NHSL1: variants seen among roughly 807,000 people sequenced by gnomAD.
NHSL1 encodes NHS-like protein 1.
In NHSL1, 48 loss-of-function variants were observed where a neutral mutation model predicts 95.0. The observed-to-expected ratio is 0.51, with a 90% CI of 0.40 to 0.64. The LOEUF (loss-of-function observed/expected upper bound fraction) is 0.64. Among genes scored for constraint, NHSL1 ranks in the 30% least tolerant of loss-of-function variants. NHSL1 has a pLI of 0.00. For synonymous variants in NHSL1, 783 were observed against 833.9 expected, an observed-to-expected ratio of 0.94 and a Z score of 1.05; for missense variants, 1,971 against 2,077.7, an observed-to-expected ratio of 0.95 and a Z score of 1.00.
intron 1 of NHSL1, among the ~76,000 whole-genome samples, chr6:138,674,017 T>C (rs1430663466): frequency 6.6e-6 from 1 of 152,242 alleles, no homozygotes; most frequent in Non-Finnish European, 1.5e-5. Context: ...TCTTGTATTT[T>C]ATCAGTAGAT....
chr6:138,677,671 T>C (rs1040578203), intron 1 of NHSL1, among the ~76,000 whole-genome samples: 1 of 152,200 alleles, frequency 6.6e-6, no homozygotes, highest in African/African-American at 2.4e-5. Flanking sequence ...AGAGCCCACA[T>C]GCTAAGGTGT....
intron 1 of NHSL1, among the ~76,000 whole-genome samples, chr6:138,515,909 G>C (rs2128304661): frequency 6.6e-6 from 1 of 152,316 alleles, no homozygotes; most frequent in Middle Eastern, 3.4e-3. Context: ...GGAATACTGA[G>C]TGTGTGTGTC....
At chr6:138,435,709 G>A (rs1054290031) in intron 5 of NHSL1, among the ~76,000 whole-genome samples, 1 of 148,380 alleles carries the variant, frequency 6.7e-6, no homozygotes, top group Non-Finnish European at 1.5e-5. Flanking sequence ...GCAGATAACT[G>A]GGGTTTTTTT....
chr6:138,635,950 T>TAAAAAAAAAAAAA (rs930630887), intron 1 of NHSL1, among the ~76,000 whole-genome samples: 1 of 94,386 alleles, frequency 1.1e-5, no homozygotes, highest in Non-Finnish European at 2.1e-5. Flanking sequence ...CCGTCTCTAC[T>TAAAAAAAAAAAAA]AAAAAAAAAA....
At position 138,447,211 on chromosome 6, in the gene NHSL1, G is replaced by A. The variant is rs1195746008; in HGVS notation, c.340-18C>T. 6.5e-7 allele frequency: 1 copy of A among 1,543,316 alleles called. No individual in the cohort carries two copies. Among genetic ancestry groups the A allele is most frequent in the African/African-American group, 1.4e-5 (1 of 72,708 alleles). On this transcript the variant is annotated intron_variant, in intron 3 of 7. Transcript: ENST00000343505. ...AGAGAACACTGCAGAGAAAAAAGAA[G>A]CAGCAGCCACAGTGTATAAAGAGCT...
At chr6:138,614,322 G>C (rs895951179) in intron 1 of NHSL1, among the ~76,000 whole-genome samples, 1 of 152,190 alleles carries the variant, frequency 6.6e-6, no homozygotes, top group Non-Finnish European at 1.5e-5. Flanking sequence ...GATGACAAAC[G>C]TACACTAAGG....
At position 138,432,245 on chromosome 6, in the gene NHSL1, C is replaced by G. The variant is rs755474095; in HGVS notation, c.2100G>C (p.Leu700=). 110 of 1,549,208 alleles carry G rather than the reference C, an allele frequency of 7.1e-5. 1 individual carries two copies. Among genetic ancestry groups the G allele is most frequent in the Middle Eastern group, 1.7e-4 (1 of 6,004 alleles). ...GCAGCGAGTGCTGGAGTGTGGCGAT[C>G]AGGCTCTCGTTGAGCACCTGCCCGT... The part of the protein sequence containing the change: ...QCNGQVLNES[L]IATLQHSLQL... The change falls in exon 6 of 8, where the codon CTG becomes CTC. Residue 700 remains leucine, a synonymous_variant. Coordinates refer to ENST00000343505, the MANE Select transcript of NHSL1 (RefSeq NM_001144060.2). This position sits in a 1 kb window ranked among gnomAD's most constrained non-coding sequence, Gnocchi z 4.4.
At chr6:138,459,214 C>T (rs2128232621) in intron 3 of NHSL1, among the ~76,000 whole-genome samples, 1 of 152,258 alleles carries the variant, frequency 6.6e-6, no homozygotes, top group South Asian at 2.1e-4. Context: ...TCTTGAACTC[C>T]TGACCTCAGG....
chr6:138,666,453 A>G (rs6570255), intron 1 of NHSL1, among the ~76,000 whole-genome samples: 71,184 of 151,692 alleles, frequency 0.47, 18,416 homozygotes, highest in African/African-American at 0.69. Flanking sequence ...TTAGCCAGGC[A>G]TGGTGGTGGG....
At chr6:138,567,989 A>C (rs1783682498) in intron 1 of NHSL1, among the ~76,000 whole-genome samples, 1 of 152,138 alleles carries the variant, frequency 6.6e-6, no homozygotes, top group Admixed American at 6.5e-5. Flanking sequence ...GAAGACGGAC[A>C]CCCCATATGA....
chr6:138,482,445 C>CAAA (rs34849976), intron 2 of NHSL1, among the ~76,000 whole-genome samples: 17 of 81,192 alleles, frequency 2.1e-4, no homozygotes, highest in African/African-American at 5.3e-4. Flanking sequence ...GACTCCGTCT[C>CAAA]AAAAAAAAAA....
chr6:138,556,524 G>C (rs966726536), intron 1 of NHSL1, among the ~76,000 whole-genome samples: 1 of 150,278 alleles, frequency 6.7e-6, no homozygotes, highest in African/African-American at 2.5e-5. Context: ...CATTTTTGTA[G>C]GTCTCCTATG....
chr6:138,461,442 G>T (rs1270009855), intron 3 of NHSL1, among the ~76,000 whole-genome samples: 1 of 152,158 alleles, frequency 6.6e-6, no homozygotes, highest in African/African-American at 2.4e-5. Flanking sequence ...TGATTGAGAG[G>T]CAATGGCTAG....
intron 1 of NHSL1, among the ~76,000 whole-genome samples, chr6:138,625,595 G>C (rs1784726249): frequency 6.6e-6 from 1 of 150,456 alleles, no homozygotes; most frequent in African/African-American, 2.5e-5. Context: ...ATAGTGCCAT[G>C]AGTACAGTAT....
chr6:138,622,285 G>A (rs893254240), intron 1 of NHSL1, among the ~76,000 whole-genome samples: 1 of 151,910 alleles, frequency 6.6e-6, no homozygotes. Flanking sequence ...GGTGGATCAC[G>A]AGGTCAGGAG....
Position 138,692,358 on chromosome 6 carries a change from C to G in NHSL1, c.96+118G>C, listed in dbSNP as rs939483089. 10 of 322,608 alleles carry G rather than the reference C, an allele frequency of 3.1e-5. No individual in the cohort carries two copies. The highest frequency in any genetic ancestry group is 2.0e-4 in the African/African-American group (9 of 45,720). 20.0% of individuals were successfully genotyped at this position (322,608 alleles called of 1,614,324 possible). ...GTCCGGCAGTCCCCACTGGAGACCC[C>G]GACATCGCGGGGCTCCGCGGCCCCC... On this transcript the variant is annotated intron_variant, in intron 1 of 3. Coordinates refer to the NHSL1 transcript ENST00000491526. The surrounding 1 kb of genome is among the most constrained non-coding windows in gnomAD (Gnocchi z 4.0).
At chr6:138,677,732 ATTCTCAAACTGCTGC>A (rs565027070) in intron 1 of NHSL1, among the ~76,000 whole-genome samples, 19 of 152,302 alleles carry the variant, frequency 1.2e-4, no homozygotes, top group South Asian at 6.2e-4. Context: ...TGCAAATGGT[ATTCTCAAACTGCTGC>A]TTCTCAAACT....
At chr6:138,513,693 T>C (rs1048286516) in intron 1 of NHSL1, among the ~76,000 whole-genome samples, 1 of 152,206 alleles carries the variant, frequency 6.6e-6, no homozygotes, top group African/African-American at 2.4e-5. Context: ...TCTCTTCCCA[T>C]CATCCTTCGG....
intron 3 of NHSL1, among the ~76,000 whole-genome samples, chr6:138,459,762 A>G (rs1583217064): frequency 6.6e-6 from 1 of 152,310 alleles, no homozygotes; most frequent in Non-Finnish European, 1.5e-5. Flanking sequence ...TAAATCAAGA[A>G]TGGCCATTAA....
Sources: gnomAD v4.1 joint callset for allele counts (sites outside exome capture counted in the v4.1 genomes callset) on GRCh38, gnomAD v4.1.1 for gene constraint, Gnocchi (gnomAD v3.1) non-coding constraint, MANE v1.5 for transcripts, NCBI Gene and HGNC (gene_info 2026-07-23, HGNC 2026-07-21) for gene names.